Variants in ADARB1 observed in about 807,000 individuals in gnomAD.
The protein encoded by ADARB1 is double-stranded RNA-specific editase 1.
A neutral mutation model predicts 52.4 loss-of-function variants in ADARB1; 10 were observed. The observed-to-expected ratio is 0.19, with a 90% confidence interval of 0.12 to 0.32. ADARB1 has a LOEUF of 0.32. Among genes scored for constraint, ADARB1 ranks in the 10% least tolerant of loss-of-function variants. ADARB1 has a pLI of 1.00. For missense variants in ADARB1, 643 were observed against 922.3 expected (o/e 0.70, Z 3.92); for synonymous variants, 349 against 371.1 (o/e 0.94, Z 0.68).
chr21:45,224,955 T>C lies in ADARB1; in HGVS notation c.*2758T>C. 1 of 985,554 alleles carries C rather than the reference T, an allele frequency of 1.0e-6. No homozygotes were observed. Among genetic ancestry groups the C allele is most frequent in the Non-Finnish European group, 1.2e-6 (1 of 829,932 alleles). 61.1% of individuals were successfully genotyped at this position (985,554 alleles called of 1,614,324 possible). ...CGTGTCACTCTCCATCCAGTGTCCT[T>C]GATGTGGCTTTTAGAGACTTAGCAG... On this transcript the variant is annotated 3_prime_UTR_variant, in exon 11 of 11. Transcript: ENST00000348831.
intron 1 of ADARB1, among the ~76,000 whole-genome samples, chr21:45,120,578 A>T (rs1001056752): frequency 1.3e-5 from 2 of 152,136 alleles, no homozygotes; most frequent in African/African-American, 4.8e-5. Context: ...GGTTCTGTTC[A>T]TGATGGCCTT....
intron 2 of ADARB1, among the ~76,000 whole-genome samples, chr21:45,147,535 A>G (rs1171944303): frequency 6.6e-6 from 1 of 152,174 alleles, no homozygotes. Flanking sequence ...AAAACGTGCT[A>G]CCTTAGACTG....
intron 2 of ADARB1, among the ~76,000 whole-genome samples, chr21:45,166,372 G>A (rs1601721228): frequency 2.0e-5 from 3 of 152,164 alleles, no homozygotes. Context: ...TGAGGGAACG[G>A]CCTTGTTTGA....
Position 45,172,225 on chromosome 21 carries a change from G to T in ADARB1, c.28+541G>T, listed in dbSNP as rs1674024769. On this transcript the variant is annotated intron_variant, in intron 3 of 10. Coordinates refer to ENST00000348831, the MANE Select transcript of ADARB1 (RefSeq NM_001112.4). This position sits in a 1 kb window ranked among gnomAD's most constrained non-coding sequence, Gnocchi z 4.4. ...TTCCGTGCTGTTCTCTCTGGTGCCG[G>T]GGTGGTGGAAGGCCGCTGGGGTACG... Among the ~76,000 whole-genome samples the T allele has an allele frequency of 6.6e-6, 1 of 152,138 alleles. No homozygotes were observed.
At position 45,222,296 on chromosome 21, in the gene ADARB1, A is replaced by G; in HGVS notation, c.*99A>G. 1.2e-6 allele frequency: 1 copy of G among 854,002 alleles called. No individual in the cohort carries two copies. The highest frequency in any genetic ancestry group is 1.6e-6 in the Non-Finnish European group (1 of 635,166). 52.9% of individuals were successfully genotyped at this position (854,002 alleles called of 1,614,324 possible). A position where few individuals can be genotyped will look rare whatever the true frequency, so the allele number is the denominator to read the frequency against. ...CTGGGGGCAGGTGCATACCTTGGGG[A>G]GGGAGTAGGGGGACACGGGGGACCA... On this transcript the variant is annotated 3_prime_UTR_variant, in exon 11 of 11. Transcript: ENST00000348831.
rs116634869 is a variant in ADARB1 at position 45,155,258 on chromosome 21, G to T, written c.-47-16352G>T. On this transcript the variant is annotated intron_variant, in intron 2 of 10. Transcript: ENST00000348831. ...GGAGCTGGAGGTCCAAACGTAGAGAGGCCTGCTCCCCCTGAGTACTTCTGG... is the reference window on the plus strand; with the variant it reads ...GGAGCTGGAGGTCCAAACGTAGAGATGCCTGCTCCCCCTGAGTACTTCTGG... Among the ~76,000 whole-genome samples, 785 of 152,222 alleles carry T rather than the reference G, an allele frequency of 5.2e-3. 3 individuals carry two copies. Among genetic ancestry groups the T allele is most frequent in the African/African-American group, 0.018 (749 of 41,508 alleles).
Position 45,200,265 on chromosome 21 carries a change from G to C in ADARB1, c.1566-4290G>C, listed in dbSNP as rs1269473102. ...ACAGCACTGCCATTGGAGGTCACCAGGGTGTCCATCCCACTGGCAGGCAGT... is the reference window on the plus strand; with the variant it reads ...ACAGCACTGCCATTGGAGGTCACCACGGTGTCCATCCCACTGGCAGGCAGT... On this transcript the variant is annotated intron_variant, in intron 8 of 10. Transcript: ENST00000348831. This position sits in a 1 kb window ranked among gnomAD's most constrained non-coding sequence, Gnocchi z 5.0. Among the ~76,000 whole-genome samples the C allele has an allele frequency of 6.6e-6, 1 of 152,218 alleles. No homozygotes were observed. Among genetic ancestry groups the C allele is most frequent in the Non-Finnish European group, 1.5e-5 (1 of 68,030 alleles).
intron 6 of ADARB1, 61 bp from the exon 7 acceptor site, chr21:45,183,301 T>C (rs2091991306): frequency 1.4e-6 from 2 of 1,468,142 alleles, no homozygotes; most frequent in Admixed American, 2.5e-5. Context: ...CTGAAAATGA[T>C]AGACTAAAAT....
intron 1 of ADARB1, among the ~76,000 whole-genome samples, chr21:45,106,687 A>C (rs1231884430): frequency 1.3e-5 from 2 of 152,350 alleles, no homozygotes; most frequent in East Asian, 3.8e-4. Flanking sequence ...ATTTAACTTA[A>C]CTATAGTTAA....
At chr21:45,130,337 A>T (rs2088852205) in intron 2 of ADARB1, among the ~76,000 whole-genome samples, 1 of 152,226 alleles carries the variant, frequency 6.6e-6, no homozygotes, top group Non-Finnish European at 1.5e-5. Context: ...AATTGTTCTT[A>T]AAAGCATAGA....
chr21:45,212,966 G>T (rs921149218), intron 9 of ADARB1, among the ~76,000 whole-genome samples: 2 of 152,192 alleles, frequency 1.3e-5, no homozygotes, highest in Non-Finnish European at 2.9e-5. Flanking sequence ...AGTATTTTTT[G>T]AGTGTGCAGT....
intron 9 of ADARB1, among the ~76,000 whole-genome samples, chr21:45,219,621 A>G (rs2092927260): frequency 6.6e-6 from 1 of 152,148 alleles, no homozygotes; most frequent in South Asian, 2.1e-4. Context: ...CCCCTTAAGG[A>G]ATTTTTGAGA....
intron 8 of ADARB1, among the ~76,000 whole-genome samples, chr21:45,195,169 C>G (rs546516324): frequency 2.4e-4 from 36 of 152,282 alleles, no homozygotes; most frequent in African/African-American, 8.7e-4. Flanking sequence ...TGTGGAGCAT[C>G]TTTTCATGTG....
chr21:45,149,865 T>C (rs1208837211), intron 2 of ADARB1, among the ~76,000 whole-genome samples: 1 of 152,244 alleles, frequency 6.6e-6, no homozygotes, highest in African/African-American at 2.4e-5. Context: ...TGTTTACAGT[T>C]TTTAAAGAGT....
chr21:45,104,321 G>A (rs1024079589), intron 1 of ADARB1, among the ~76,000 whole-genome samples: 1 of 152,114 alleles, frequency 6.6e-6, no homozygotes, highest in African/African-American at 2.4e-5. Context: ...CTTGGATTCC[G>A]GAGTTGTCCT....
At chr21:45,203,906 A>G (rs1486486687) in intron 8 of ADARB1, among the ~76,000 whole-genome samples, 1 of 152,218 alleles carries the variant, frequency 6.6e-6, no homozygotes, top group African/African-American at 2.4e-5. Flanking sequence ...TTTTTCCTGT[A>G]AGTACCTTCC....
chr21:45,075,309 C>CGCCCGGCATGGGACGCTG (rs2085880456), intron 1 of ADARB1, among the ~76,000 whole-genome samples: 1 of 151,058 alleles, frequency 6.6e-6, no homozygotes, highest in Non-Finnish European at 1.5e-5. Flanking sequence ...GGGAGACGCT[C>CGCCCGGCATGGGACGCTG]CGCCCGGCAT....
In ADARB1 at chr21:45,184,914, C is replaced by T. The variant is rs1176770115; in HGVS notation, c.1397-9C>T. The T allele has an allele frequency of 1.3e-6, 2 of 1,595,330 alleles. No individual in the cohort carries two copies. Among genetic ancestry groups the T allele is most frequent in the Admixed American group, 3.4e-5 (2 of 58,324 alleles). ...TACCTGTGGGGTTTTAACTCTTTTT[C>T]TCTCTTAGAACCAGCAGATAGACAC... On this transcript the variant is annotated splice_polypyrimidine_tract_variant and intron_variant, in intron 7 of 10. Transcript: ENST00000348831.
Position 45,204,815 on chromosome 21 carries a change from C to G in ADARB1, c.1747+79C>G. The stretch of plus-strand genomic sequence containing the variant: ...TTCATCCTCATGAATGAAAAAAACA[C>G]CACCTGAGCTGCTCTGTGGCTATCA... On this transcript the variant is annotated intron_variant, in intron 9 of 10. Transcript: ENST00000348831. This position sits in a 1 kb window ranked among gnomAD's most constrained non-coding sequence, Gnocchi z 4.4. 1.4e-6 allele frequency: 2 copies of G among 1,444,132 alleles called. No homozygotes were observed. The highest frequency in any genetic ancestry group is 2.6e-5 in the South Asian group (2 of 77,774). The allele number at this position is 1,444,132 out of a possible 1,614,324, so 89.5% of individuals were successfully genotyped here. A position where few individuals can be genotyped will look rare whatever the true frequency, so the allele number is the denominator to read the frequency against.
Sources: gnomAD v4.1 joint callset for allele counts (sites outside exome capture counted in the v4.1 genomes callset) on GRCh38, gnomAD v4.1.1 for gene constraint, Gnocchi (gnomAD v3.1) non-coding constraint, MANE v1.5 for transcripts, NCBI Gene and HGNC (gene_info 2026-07-23, HGNC 2026-07-21) for gene names.